Variants in CSMD1 observed in about 807,000 individuals in gnomAD.
CSMD1 encodes the protein CUB and sushi domain-containing protein 1.
A neutral mutation model predicts 417.5 loss-of-function variants in CSMD1; 213 were observed. The observed-to-expected ratio is 0.51, with a 90% confidence interval of 0.46 to 0.57. The LOEUF is 0.57. Among genes scored for constraint, CSMD1 ranks in the 20% least tolerant of loss-of-function variants. The pLI is 0.00. For synonymous variants in CSMD1, 2,862 were observed against 1,736.8 expected (o/e 1.65, Z -16.11); for missense variants, 6,923 against 4,529.7 (o/e 1.53, Z -15.17).
intron 6 of CSMD1, among the ~76,000 whole-genome samples, chr8:3,731,422 C>G (rs1009667466): frequency 6.6e-6 from 1 of 152,100 alleles, no homozygotes; most frequent in Non-Finnish European, 1.5e-5. Flanking sequence ...GGATTCTTTA[C>G]CTGGCATGGT....
At chr8:4,274,415 C>A (rs1563371573) in intron 3 of CSMD1, among the ~76,000 whole-genome samples, 1 of 152,130 alleles carries the variant, frequency 6.6e-6, no homozygotes, top group Non-Finnish European at 1.5e-5. Context: ...CAAAATGTCT[C>A]TGGTGCCCAA....
At chr8:3,686,055 C>A (rs547091554) in intron 7 of CSMD1, among the ~76,000 whole-genome samples, 4 of 151,948 alleles carry the variant, frequency 2.6e-5, no homozygotes, top group African/African-American at 9.7e-5. Flanking sequence ...CTTGCCCCCA[C>A]CCCTCACTAT....
intron 3 of CSMD1, among the ~76,000 whole-genome samples, chr8:4,301,592 A>G (rs927795431): frequency 5.3e-5 from 8 of 152,186 alleles, no homozygotes; most frequent in African/African-American, 1.4e-4. Context: ...TTTTTTTGTC[A>G]AGATTGTATA....
chr8:3,228,152 A>ATT (rs1798626643), intron 27 of CSMD1, among the ~76,000 whole-genome samples: 1 of 152,228 alleles, frequency 6.6e-6, no homozygotes, highest in Non-Finnish European at 1.5e-5. Context: ...CTCCAGGTAA[A>ATT]AAGATGACAA....
chr8:3,171,492 T>C lies in CSMD1; in HGVS notation c.5726-9215A>G, dbSNP rs558619177. Among the ~76,000 whole-genome samples the C allele has an allele frequency of 8.9e-4, 135 of 152,298 alleles. 1 individual carries two copies. The highest frequency in any genetic ancestry group is 2.9e-3 in the African/African-American group (120 of 41,568). Reference sequence around the variant, plus strand: ...ACAGGACTGAGGTTTTCATAAATGATGAGTTGGTGGTTGGCTAAGTCACAG... The same window carrying C: ...ACAGGACTGAGGTTTTCATAAATGACGAGTTGGTGGTTGGCTAAGTCACAG... On this transcript the variant is annotated intron_variant, in intron 37 of 69. Coordinates refer to ENST00000635120, the MANE Select transcript of CSMD1 (RefSeq NM_033225.6).
chr8:3,754,416 T>G (rs566486000), intron 5 of CSMD1, among the ~76,000 whole-genome samples: 214 of 149,932 alleles, frequency 1.4e-3, no homozygotes, highest in African/African-American at 5.1e-3. Flanking sequence ...TTTCACAATT[T>G]GAAGACTTAG....
rs548023822 is a variant in CSMD1, at chr8:3,000,989, T to C, written c.8030-858A>G. On this transcript the variant is annotated intron_variant, in intron 52 of 69. Transcript: ENST00000635120. The stretch of plus-strand genomic sequence containing the variant: ...CCACTCACTCCCACCATTTTTTTTC[T>C]TTTTTTTTTTGGCAGGGTCTTGCTC... Among the ~76,000 whole-genome samples, 227 of 98,880 alleles carry C rather than the reference T, an allele frequency of 2.3e-3. 2 individuals carry two copies. Among genetic ancestry groups the C allele is most frequent in the African/African-American group, 0.019 (204 of 10,844 alleles). 64.9% of individuals were successfully genotyped at this position (98,880 alleles called of 152,430 possible).
At chr8:4,747,503 T>A (rs1811035475) in intron 1 of CSMD1, among the ~76,000 whole-genome samples, 1 of 152,124 alleles carries the variant, frequency 6.6e-6, no homozygotes, top group Admixed American at 6.5e-5. Context: ...GAGAAACATT[T>A]TAAAACCCAA....
chr8:4,683,763 C>T (rs1183987507), intron 1 of CSMD1, among the ~76,000 whole-genome samples: 1 of 152,126 alleles, frequency 6.6e-6, no homozygotes. Flanking sequence ...CTCAGACATA[C>T]ATCTATGAAA....
intron 3 of CSMD1, among the ~76,000 whole-genome samples, chr8:4,121,050 G>A (rs576348007): frequency 1.3e-5 from 2 of 151,784 alleles, no homozygotes; most frequent in Non-Finnish European, 2.9e-5. Flanking sequence ...GAACAAAGGA[G>A]TTTCTTTTCT....
intron 61 of CSMD1, 67 bp from the exon 62 acceptor site, chr8:2,961,281 T>G (rs1803456605): frequency 4.2e-6 from 4 of 950,278 alleles, no homozygotes; most frequent in African/African-American, 3.3e-5. Context: ...TTTAACAGCT[T>G]TCACTAAAAG....
intron 2 of CSMD1, among the ~76,000 whole-genome samples, chr8:4,528,731 AT>A (rs1796645842): frequency 6.6e-6 from 1 of 152,156 alleles, no homozygotes. Flanking sequence ...GGTCAAAAAA[AT>A]GTTTAAGTAA....
At chr8:3,040,768 A>C (rs1811034600) in intron 50 of CSMD1, among the ~76,000 whole-genome samples, 1 of 152,164 alleles carries the variant, frequency 6.6e-6, no homozygotes, top group South Asian at 2.1e-4. Flanking sequence ...GTGCCACTGC[A>C]CTCCAGCCTG....
At chr8:3,076,376 T>C (rs1386280326) in intron 49 of CSMD1, among the ~76,000 whole-genome samples, 2 of 152,224 alleles carry the variant, frequency 1.3e-5, no homozygotes, top group East Asian at 1.9e-4. Context: ...ACTAACTCCA[T>C]CACCTCTGTA....
intron 3 of CSMD1, among the ~76,000 whole-genome samples, chr8:4,258,953 C>T (rs1327892967): frequency 6.6e-6 from 1 of 152,160 alleles, no homozygotes; most frequent in African/African-American, 2.4e-5. Context: ...CGACTTAATA[C>T]ACTAAGGTGT....
chr8:4,097,042 C>G (rs1002163249), intron 3 of CSMD1, among the ~76,000 whole-genome samples: 1 of 152,164 alleles, frequency 6.6e-6, no homozygotes, highest in Non-Finnish European at 1.5e-5. Context: ...TTTTAATTAA[C>G]TGATGCCTCA....
chr8:3,878,875 T>G (rs562088253), intron 5 of CSMD1, among the ~76,000 whole-genome samples: 7 of 152,200 alleles, frequency 4.6e-5, no homozygotes, highest in Non-Finnish European at 8.8e-5. Context: ...CTGACTGAGC[T>G]TAATTATTCA....
intron 1 of CSMD1, among the ~76,000 whole-genome samples, chr8:4,709,525 A>C (rs888249582): frequency 6.6e-6 from 1 of 152,226 alleles, no homozygotes; most frequent in South Asian, 2.1e-4. Context: ...GGGTACAAAG[A>C]GGGCAGAGAC....
intron 1 of CSMD1, among the ~76,000 whole-genome samples, chr8:4,982,857 G>T (rs192585802): frequency 6.6e-6 from 1 of 152,272 alleles, no homozygotes; most frequent in South Asian, 2.1e-4. Context: ...CTTGTTGCCA[G>T]CAAAGAATGC....
Sources: gnomAD v4.1 joint callset for allele counts (sites outside exome capture counted in the v4.1 genomes callset) on GRCh38, gnomAD v4.1.1 for gene constraint, MANE v1.5 for transcripts, NCBI Gene and HGNC (gene_info 2026-07-23, HGNC 2026-07-21) for gene names.